The following CDH20 variants were observed in gnomAD, a reference collection of about 807,000 sequenced individuals.
CDH20 encodes the protein cadherin-20.
Under a neutral mutation model 74.2 loss-of-function variants are expected in CDH20, and 29 were observed. The observed-to-expected ratio is 0.39, with a 90% CI of 0.29 to 0.53. CDH20 has a LOEUF of 0.53. Ranked by LOEUF, CDH20 falls within the 20% of genes least tolerant of loss-of-function variation. The probability of loss-of-function intolerance (pLI) is 0.69; values close to 1 mark genes in which losing one functional copy is unlikely to be tolerated. For missense variants in CDH20, 988 were observed against 1,048.3 expected, an observed-to-expected ratio of 0.94 and a Z score of 0.79; for synonymous variants, 469 against 405.4, an observed-to-expected ratio of 1.16 and a Z score of -1.88.
At position 61,422,081 on chromosome 18, in the gene CDH20, C is replaced by T. The variant is rs1193304578; in HGVS notation, c.-152-68321C>T. The stretch of plus-strand genomic sequence containing the variant: ...ATTTGGGATTAATATGGCTTCTAGT[C>T]CATGCATTCAGGGACCTTAATGAGG... On this transcript the variant is annotated intron_variant, in intron 1 of 11. Coordinates refer to ENST00000262717, the MANE Select transcript of CDH20 (RefSeq NM_031891.4). 3.9e-5 allele frequency among the ~76,000 whole-genome samples: 6 copies of T among 152,226 alleles called. No individual in the cohort carries two copies. The South Asian group carries it at 1.2e-3, about 32-fold the overall frequency.
chr18:61,464,116 T>C (rs537378934), intron 1 of CDH20, among the ~76,000 whole-genome samples: 1 of 152,232 alleles, frequency 6.6e-6, no homozygotes, highest in Admixed American at 6.5e-5. Context: ...TATTACTATA[T>C]AGCACAGTAA....
chr18:61,508,582 G>A (rs1483629787), intron 6 of CDH20, among the ~76,000 whole-genome samples: 1 of 152,070 alleles, frequency 6.6e-6, no homozygotes, highest in African/African-American at 2.4e-5. Flanking sequence ...AAAAAGGAAT[G>A]GACTAACAGC....
At chr18:61,470,702 T>C (rs1014610424) in intron 1 of CDH20, among the ~76,000 whole-genome samples, 2 of 152,106 alleles carry the variant, frequency 1.3e-5, no homozygotes, top group African/African-American at 4.8e-5. Context: ...AAGGAAAGAA[T>C]TTTGACCACA....
intron 1 of CDH20, among the ~76,000 whole-genome samples, chr18:61,425,037 G>A (rs1003838160): frequency 2.8e-5 from 3 of 107,856 alleles, no homozygotes; most frequent in Non-Finnish European, 3.7e-5. Context: ...CCACTTCCCC[G>A]CTCCTCTCTC....
rs1212089276 is a variant in CDH20, at chr18:61,353,562, T to TGTGTATCACA, written c.-153+19739_-153+19748dup. The stretch of plus-strand genomic sequence containing the variant: ...TTACTTGCTTTTGAATATCCGACAG[T>TGTGTATCACA]GTGTATCACAGTGCTTTGCACATAT... On this transcript the variant is annotated intron_variant, in intron 1 of 11. Coordinates refer to ENST00000262717, the MANE Select transcript of CDH20 (RefSeq NM_031891.4). This position sits in a 1 kb window ranked among gnomAD's most constrained non-coding sequence, Gnocchi z 4.6. 1.3e-5 allele frequency among the ~76,000 whole-genome samples: 2 copies of TGTGTATCACA among 152,254 alleles called. No homozygotes were observed. Among genetic ancestry groups the TGTGTATCACA allele is most frequent in the Admixed American group, 1.3e-4 (2 of 15,286 alleles).
intron 1 of CDH20, among the ~76,000 whole-genome samples, chr18:61,439,619 TA>T (rs2144315083): frequency 6.6e-6 from 1 of 152,318 alleles, no homozygotes; most frequent in Admixed American, 6.5e-5. Flanking sequence ...CAATTCAGAC[TA>T]AAAATCATTT....
At chr18:61,404,946 T>A in intron 1 of CDH20, 4 of 710,760 alleles carry the variant, frequency 5.6e-6, no homozygotes, top group Non-Finnish European at 1.1e-5. Flanking sequence ...TCTGTAGTAT[T>A]TTCCTCATGC....
chr18:61,446,504 T>A (rs1362706312), intron 1 of CDH20, among the ~76,000 whole-genome samples: 1 of 152,202 alleles, frequency 6.6e-6, no homozygotes, highest in Admixed American at 6.6e-5. Flanking sequence ...AGGAATTTCA[T>A]GGCTGCCCTT....
chr18:61,456,967 C>A (rs1909593602), intron 1 of CDH20, among the ~76,000 whole-genome samples: 2 of 152,258 alleles, frequency 1.3e-5, no homozygotes, highest in Admixed American at 1.3e-4. Context: ...ACCTAAGTAC[C>A]TCCCAAAGGC....
intron 1 of CDH20, among the ~76,000 whole-genome samples, chr18:61,484,613 C>G (rs981253060): frequency 1.3e-5 from 2 of 152,074 alleles, no homozygotes; most frequent in Non-Finnish European, 2.9e-5. Flanking sequence ...GAATTCATAG[C>G]TAGAGGGTCA....
intron 1 of CDH20, among the ~76,000 whole-genome samples, chr18:61,443,880 T>C (rs1459683142): frequency 6.6e-6 from 1 of 151,550 alleles, no homozygotes; most frequent in African/African-American, 2.4e-5. Flanking sequence ...AAGGAGAGAG[T>C]ACAACACTGG....
At position 61,503,503 on chromosome 18, in the gene CDH20, C is replaced by T. The variant is rs1911458878; in HGVS notation, c.829+383C>T. 1.1e-4 allele frequency among the ~76,000 whole-genome samples: 16 copies of T among 152,292 alleles called. No individual in the cohort carries two copies. In the South Asian group the frequency reaches 1.9e-3, roughly 18 times the overall value. On this transcript the variant is annotated intron_variant, in intron 5 of 11. Transcript: ENST00000262717. Reference sequence around the variant, plus strand: ...CTTTTTTCATCACAGCCCTGGAAACCTATTTTTGCCCCCAGGGGGCCATAT... The same window carrying T: ...CTTTTTTCATCACAGCCCTGGAAACTTATTTTTGCCCCCAGGGGGCCATAT...
At chr18:61,496,514 A>G (rs1911167365) in intron 2 of CDH20, among the ~76,000 whole-genome samples, 1 of 152,040 alleles carries the variant, frequency 6.6e-6, no homozygotes, top group Non-Finnish European at 1.5e-5. Flanking sequence ...TCACACGGAA[A>G]GCGAAGGCCT....
rs575899700 is a variant in CDH20 at position 61,359,382 on chromosome 18, GA to G, written c.-153+25565del. ...GGGACAAAAAGCTAGGTGAGCAGCA[GA>G]AAAAAAAAATAAAATAAAAAAGAAA... On this transcript the variant is annotated intron_variant, in intron 1 of 11. Coordinates refer to ENST00000262717, the MANE Select transcript of CDH20 (RefSeq NM_031891.4). Among the ~76,000 whole-genome samples the G allele has an allele frequency of 1.5e-3, 152 of 104,738 alleles. 1 individual carries two copies. In the Middle Eastern group the frequency reaches 0.018, roughly 12 times the overall value. The allele number at this position is 104,738 out of a possible 152,430, so 68.7% of individuals were successfully genotyped here.
chr18:61,506,830 T>C (rs528141424), intron 5 of CDH20, among the ~76,000 whole-genome samples: 2 of 152,264 alleles, frequency 1.3e-5, no homozygotes, highest in Admixed American at 1.3e-4. Context: ...GGGCAGCACA[T>C]GGAGCTGATG....
At chr18:61,404,433 C>T (rs66473506) in intron 1 of CDH20, among the ~76,000 whole-genome samples, 30,611 of 152,000 alleles carry the variant, frequency 0.2, 3,269 homozygotes, top group Non-Finnish European at 0.25. Flanking sequence ...AGGAGGAAAA[C>T]CCCTAGGGAA....
chr18:61,509,996 G>A (rs1011530650), intron 6 of CDH20, among the ~76,000 whole-genome samples: 9 of 152,302 alleles, frequency 5.9e-5, no homozygotes, highest in African/African-American at 1.9e-4. Context: ...GGGGTGACAA[G>A]TATTGGAATT....
intron 3 of CDH20, among the ~76,000 whole-genome samples, chr18:61,499,818 GGC>G (rs1911300730): frequency 6.6e-6 from 1 of 152,164 alleles, no homozygotes; most frequent in South Asian, 2.1e-4. Context: ...AATAGGGTTA[GGC>G]GCGGTGGCTC....
intron 1 of CDH20, among the ~76,000 whole-genome samples, chr18:61,334,583 A>T (rs1909692238): frequency 6.6e-6 from 1 of 152,164 alleles, no homozygotes; most frequent in African/African-American, 2.4e-5. Context: ...TCAGATTTGC[A>T]AAGAGAACGT....
Sources: gnomAD v4.1 joint callset for allele counts (sites outside exome capture counted in the v4.1 genomes callset) on GRCh38, gnomAD v4.1.1 for gene constraint, Gnocchi (gnomAD v3.1) non-coding constraint, MANE v1.5 for transcripts, NCBI Gene and HGNC (gene_info 2026-07-23, HGNC 2026-07-21) for gene names.